DHX40: variants seen among roughly 807,000 people sequenced by gnomAD.
DHX40 encodes the protein DEAH-box helicase 40.
Under a neutral mutation model 89.6 loss-of-function variants are expected in DHX40, and 28 were observed. The observed-to-expected ratio is 0.31, with a 90% CI of 0.23 to 0.43. The LOEUF (loss-of-function observed/expected upper bound fraction) is 0.43. DHX40 is among the 20% of genes least tolerant of loss of function. The pLI is 1.00. For synonymous variants in DHX40, 226 were observed against 283.6 expected, an observed-to-expected ratio of 0.80 and a Z score of 2.04; for missense variants, 457 against 844.0, an observed-to-expected ratio of 0.54 and a Z score of 5.68.
chr17:59,588,555 C>T (rs1166056394), intron 12 of DHX40, among the ~76,000 whole-genome samples: 1 of 152,188 alleles, frequency 6.6e-6, no homozygotes, highest in Non-Finnish European at 1.5e-5. Flanking sequence ...TGGTCTCGAA[C>T]TCCTGACCTC....
chr17:59,594,052 T>C (rs1455243294), intron 12 of DHX40, among the ~76,000 whole-genome samples: 2 of 152,190 alleles, frequency 1.3e-5, no homozygotes, highest in Non-Finnish European at 2.9e-5. Context: ...GAATTTGTAC[T>C]GTGTTCAGCC....
chr17:59,606,619 G>C (rs1488155604), intron 17 of DHX40, among the ~76,000 whole-genome samples: 1 of 151,854 alleles, frequency 6.6e-6, no homozygotes, highest in Non-Finnish European at 1.5e-5. Context: ...GGTGGCGGGC[G>C]CCTGTAGTCC....
intron 10 of DHX40, among the ~76,000 whole-genome samples, chr17:59,580,884 C>A (rs1465879170): frequency 1.3e-5 from 2 of 151,104 alleles, no homozygotes; most frequent in Non-Finnish European, 2.9e-5. Flanking sequence ...GAGTTTGAGA[C>A]CCGCCTGGCC....
At chr17:59,594,715 T>A (rs879890708) in intron 12 of DHX40, among the ~76,000 whole-genome samples, 6 of 152,244 alleles carry the variant, frequency 3.9e-5, no homozygotes, top group African/African-American at 9.6e-5. Flanking sequence ...AATAGAGGAC[T>A]GCGTAGGCTG....
chr17:59,588,926 G>T (rs1284909216), intron 12 of DHX40, among the ~76,000 whole-genome samples: 2 of 152,088 alleles, frequency 1.3e-5, no homozygotes, highest in East Asian at 3.9e-4. Flanking sequence ...GGTACCATTT[G>T]TTCAAAACAC....
At position 59,566,508 on chromosome 17, in the gene DHX40, G is replaced by A. The variant is rs1598127773; in HGVS notation, c.113-119G>A. 5 of 990,816 alleles carry A rather than the reference G, an allele frequency of 5.0e-6. No individual in the cohort carries two copies. In the East Asian group the frequency reaches 1.5e-4, roughly 29 times the overall value. The allele number at this position is 990,816 out of a possible 1,614,324, so 61.4% of individuals were successfully genotyped here. On this transcript the variant is annotated intron_variant, in intron 1 of 17. Transcript: ENST00000251241. ...CTTACATGAGCGATTTAACTGAGAA[G>A]TCATGGATGATCCCGTCCAGCCCTA...
At position 59,607,296 on chromosome 17, in the gene DHX40, T is replaced by A. The variant is rs1431610442; in HGVS notation, c.*124T>A. ...CAGCACTTGTTATTGGCCTATGAAC[T>A]AAAAGCAAATCAAAGCTCATAAATC... On this transcript the variant is annotated 3_prime_UTR_variant, in exon 18 of 18. Transcript: ENST00000251241. The A allele has an allele frequency of 1.9e-6, 3 of 1,576,402 alleles. No homozygotes were observed. Among genetic ancestry groups the A allele is most frequent in the Non-Finnish European group, 2.6e-6 (3 of 1,154,718 alleles).
chr17:59,606,060 C>A (rs551187658), intron 17 of DHX40, among the ~76,000 whole-genome samples: 4 of 150,384 alleles, frequency 2.7e-5, no homozygotes, highest in African/African-American at 9.8e-5. Flanking sequence ...TTTCTTTCTT[C>A]TTTGAGACGG....
chr17:59,588,852 G>A (rs1035835340), intron 12 of DHX40, among the ~76,000 whole-genome samples: 11 of 152,086 alleles, frequency 7.2e-5, no homozygotes, highest in African/African-American at 2.2e-4. Flanking sequence ...AGTCATTGTC[G>A]TACCCAAAGT....
intron 12 of DHX40, among the ~76,000 whole-genome samples, chr17:59,592,061 A>T (rs1054426596): frequency 6.6e-6 from 1 of 151,200 alleles, no homozygotes; most frequent in African/African-American, 2.4e-5. Context: ...TGTAGAGATG[A>T]GGTCTCCCCA....
At chr17:59,569,681 G>A (rs867349156) in intron 2 of DHX40, among the ~76,000 whole-genome samples, 2 of 137,616 alleles carry the variant, frequency 1.5e-5, no homozygotes, top group South Asian at 2.2e-4. Flanking sequence ...GCAATACTCC[G>A]TCTCAAAAAA....
At chr17:59,588,232 A>AAAAC (rs1253161257) in intron 12 of DHX40, among the ~76,000 whole-genome samples, 179 bp downstream of exon 12, 3,024 of 146,954 alleles carry the variant, frequency 0.021, 123 homozygotes, top group African/African-American at 0.069. Context: ...AAAAAAAAAA[A>AAAAC]AAAAAAAAAC....
intron 8 of DHX40, among the ~76,000 whole-genome samples, chr17:59,579,068 T>G (rs537964946): frequency 7.7e-6 from 1 of 129,920 alleles, no homozygotes; most frequent in South Asian, 3.8e-4. Context: ...CAAAGCAATT[T>G]GTTCATCCCT....
rs367813772 is a variant in DHX40, at chr17:59,577,257, A to G, written c.974-9A>G. On this transcript the variant is annotated splice_polypyrimidine_tract_variant and intron_variant, in intron 7 of 17. Transcript: ENST00000251241. ...GTAAATTGGTATTTTCTTTTTATAT[A>G]TACTTCAGATCAACAGAGGAGGATA... 187 of 1,606,126 alleles carry G rather than the reference A, an allele frequency of 1.2e-4. No individual in the cohort carries two copies. Among genetic ancestry groups the G allele is most frequent in the Non-Finnish European group, 1.4e-4 (163 of 1,173,222 alleles).
At chr17:59,602,359 T>C (rs182797531) in intron 14 of DHX40, among the ~76,000 whole-genome samples, 163 bp from the exon 15 acceptor site, 17 of 152,350 alleles carry the variant, frequency 1.1e-4, no homozygotes, top group Non-Finnish European at 5.9e-5. Context: ...TTATTTCATG[T>C]ATTTTTTCCA....
At chr17:59,567,961 G>A (rs922746677) in intron 2 of DHX40, among the ~76,000 whole-genome samples, 3 of 148,558 alleles carry the variant, frequency 2.0e-5, no homozygotes, top group Non-Finnish European at 4.5e-5. Context: ...TAGGCCGGGC[G>A]CAGTGGCTCA....
At chr17:59,586,989 C>T (rs1474667786) in intron 11 of DHX40, among the ~76,000 whole-genome samples, 1 of 151,986 alleles carries the variant, frequency 6.6e-6, no homozygotes, top group East Asian at 1.9e-4. Context: ...CCCATCTCTA[C>T]TGAAAATACA....
In DHX40 at chr17:59,573,918, G is replaced by A. The variant is rs2048845974; in HGVS notation, c.725G>A (p.Cys242Tyr). Residue 242 changes from cysteine (C) to tyrosine (Y), a missense_variant, in exon 5 of 18, where the codon TGC becomes TAC. This residue lies in a region of DHX40 where 116 missense variants were observed against 188.9 expected (regional missense o/e 0.61). Coordinates refer to ENST00000251241, the MANE Select transcript of DHX40 (RefSeq NM_024612.5). ...GRLYPVREKF[C>Y]NLIGPRDREN... Reference sequence around the variant, plus strand: ...CTTTATCCAGTCAGAGAGAAATTCTGCAATTTGATTGGTCCACGAGACAGA... The same window carrying A: ...CTTTATCCAGTCAGAGAGAAATTCTACAATTTGATTGGTCCACGAGACAGA... 6.2e-7 allele frequency: 1 copy of A among 1,601,038 alleles called. No individual in the cohort carries two copies. Among genetic ancestry groups the A allele is most frequent in the South Asian group, 1.1e-5 (1 of 90,434 alleles).
chr17:59,588,417 CATTATT>C (rs2049032821), intron 12 of DHX40, among the ~76,000 whole-genome samples: 1 of 151,074 alleles, frequency 6.6e-6, no homozygotes, highest in African/African-American at 2.4e-5. Context: ...AATATTGACA[CATTATT>C]ATTAACTAAA....
Sources: allele counts gnomAD v4.1 joint callset (sites outside exome capture counted in the v4.1 genomes callset), GRCh38; gene constraint gnomAD v4.1.1; regional missense constraint gnomAD v4.1.1; transcripts MANE v1.5; gene names NCBI Gene and HGNC (gene_info 2026-07-23, HGNC 2026-07-21).